The following CSMD1 variants were observed in gnomAD, a reference collection of about 807,000 sequenced individuals.
The protein encoded by CSMD1 is CUB and Sushi multiple domains 1.
A neutral mutation model predicts 417.5 loss-of-function variants in CSMD1; 213 were observed. The ratio of observed to expected loss-of-function variants is 0.51; its 90% CI spans 0.46 to 0.57. The LOEUF (loss-of-function observed/expected upper bound fraction) is 0.57, where lower values mean the gene tolerates loss of function less well. CSMD1 is among the 20% of genes least tolerant of loss of function. CSMD1 has a pLI of 0.00. For missense variants in CSMD1, 6,923 were observed against 4,529.7 expected (o/e 1.53, Z -15.17); for synonymous variants, 2,862 against 1,736.8 (o/e 1.65, Z -16.11).
At chr8:4,836,771 T>G (rs970442518) in intron 1 of CSMD1, among the ~76,000 whole-genome samples, 2 of 152,086 alleles carry the variant, frequency 1.3e-5, no homozygotes, top group Non-Finnish European at 2.9e-5. Flanking sequence ...CACAGGAGTC[T>G]TGACTCCTGT....
chr8:3,910,353 G>A (rs1178099653), intron 5 of CSMD1, among the ~76,000 whole-genome samples: 3 of 152,276 alleles, frequency 2.0e-5, no homozygotes, highest in African/African-American at 4.8e-5. Flanking sequence ...GGTGGCAGGT[G>A]CACCGAGGCC....
chr8:4,858,689 C>T (rs1469162582), intron 1 of CSMD1, among the ~76,000 whole-genome samples: 1 of 150,470 alleles, frequency 6.6e-6, no homozygotes, highest in African/African-American at 2.4e-5. Context: ...AATAAAATAC[C>T]TAGGAATCCA....
At chr8:3,832,197 G>C (rs1309316289) in intron 5 of CSMD1, among the ~76,000 whole-genome samples, 1 of 152,126 alleles carries the variant, frequency 6.6e-6, no homozygotes, top group Admixed American at 6.6e-5. Context: ...TGAGTCACGT[G>C]GGATGGAATA....
intron 2 of CSMD1, among the ~76,000 whole-genome samples, chr8:4,441,627 G>C (rs1037594867): frequency 1.3e-5 from 2 of 151,774 alleles, no homozygotes; most frequent in Non-Finnish European, 2.9e-5. Flanking sequence ...TCACCACCTA[G>C]GTATTTAATT....
intron 1 of CSMD1, among the ~76,000 whole-genome samples, chr8:4,974,073 A>G (rs764824601): frequency 5.9e-5 from 9 of 152,174 alleles, no homozygotes; most frequent in Non-Finnish European, 1.0e-4. Context: ...CAGGCTGGAG[A>G]GTAGTGGTGC....
chr8:3,273,839 T>C (rs1433936190), intron 26 of CSMD1, among the ~76,000 whole-genome samples: 1 of 152,212 alleles, frequency 6.6e-6, no homozygotes, highest in Non-Finnish European at 1.5e-5. Flanking sequence ...TTAGTCTTGC[T>C]AGTGGTCTAC....
Position 3,343,298 on chromosome 8 carries a change from A to G in CSMD1, c.3627T>C (p.Tyr1209=), listed in dbSNP as rs756819310. ...SDTDQGFQLT[Y]TSFDLVKCED... is the part of the protein sequence containing the mutation. ...ATTAAGTCGTATGTTACTTACTGGT[A>G]TAGGTGAGTTGAAAACCTTGGTCGG... The change falls in exon 23 of 70, where the codon TAT becomes TAC. Residue 1209 remains tyrosine, a synonymous_variant. Coordinates refer to ENST00000635120, the MANE Select transcript of CSMD1 (RefSeq NM_033225.6). The G allele has an allele frequency of 1.9e-5, 30 of 1,612,988 alleles. No homozygotes were observed. In the South Asian group the frequency reaches 3.0e-4, roughly 16 times the overall value.
chr8:4,763,142 C>G (rs889774113), intron 1 of CSMD1, among the ~76,000 whole-genome samples: 6 of 152,138 alleles, frequency 3.9e-5, no homozygotes, highest in Non-Finnish European at 8.8e-5. Context: ...GAGGTTAATA[C>G]AGGAAATAAA....
At chr8:3,754,867 T>C (rs1309216678) in intron 5 of CSMD1, among the ~76,000 whole-genome samples, 2 of 152,200 alleles carry the variant, frequency 1.3e-5, no homozygotes, top group Non-Finnish European at 2.9e-5. Flanking sequence ...AACCTGGGCC[T>C]TTCCTACCAA....
At position 3,409,595 on chromosome 8, in the gene CSMD1, C is replaced by CT; in HGVS notation, c.1571dup (p.Gly526ArgfsTer27). ...GGATTCCAGGATCCCCACACCCTCC[C>CT]TTTTCAATTTCTGAAAATGGAAAAA... is the stretch of plus-strand genomic sequence containing the variant. On this transcript the variant is annotated frameshift_variant, in exon 13 of 70. Transcript: ENST00000635120. LOFTEE classifies it high-confidence loss of function. 6.3e-7 allele frequency: 1 copy of CT among 1,585,188 alleles called. No individual in the cohort carries two copies. Among genetic ancestry groups the CT allele is most frequent in the Non-Finnish European group, 8.6e-7 (1 of 1,163,266 alleles).
intron 7 of CSMD1, among the ~76,000 whole-genome samples, chr8:3,620,235 T>C (rs1029797279): frequency 3.3e-5 from 5 of 152,272 alleles, no homozygotes. Flanking sequence ...CACTCCCAGA[T>C]AATCAAAATA....
intron 23 of CSMD1, among the ~76,000 whole-genome samples, chr8:3,332,914 G>A (rs1193956660): frequency 6.6e-6 from 1 of 152,258 alleles, no homozygotes; most frequent in Non-Finnish European, 1.5e-5. Context: ...CAGATGCCAC[G>A]GAAGTGTCTG....
chr8:4,670,789 A>G (rs1805247757), intron 1 of CSMD1, among the ~76,000 whole-genome samples: 1 of 152,188 alleles, frequency 6.6e-6, no homozygotes, highest in Non-Finnish European at 1.5e-5. Context: ...AGAAAAAAAT[A>G]ATTTGTTTCA....
intron 1 of CSMD1, among the ~76,000 whole-genome samples, chr8:4,880,655 CG>C (rs972339536): frequency 2.6e-5 from 4 of 152,034 alleles, no homozygotes; most frequent in African/African-American, 9.7e-5. Context: ...ATGAAGCAAT[CG>C]GAAGTGGAGA....
At chr8:4,850,777 T>G (rs1801427977) in intron 1 of CSMD1, among the ~76,000 whole-genome samples, 1 of 152,054 alleles carries the variant, frequency 6.6e-6, no homozygotes, top group African/African-American at 2.4e-5. Flanking sequence ...CCAAACCTAG[T>G]GGCTTGCCTA....
intron 2 of CSMD1, among the ~76,000 whole-genome samples, chr8:4,440,755 G>A (rs937846884): frequency 6.6e-6 from 1 of 151,970 alleles, no homozygotes; most frequent in South Asian, 2.1e-4. Context: ...CAGCATTTTG[G>A]GAGGCCAGTG....
chr8:3,193,075 T>C (rs903660522), intron 33 of CSMD1, among the ~76,000 whole-genome samples: 8 of 152,186 alleles, frequency 5.3e-5, no homozygotes, highest in African/African-American at 1.9e-4. Flanking sequence ...GTTGCACTTA[T>C]CTAAGAGGCT....
chr8:3,725,044 C>T (rs907228979), intron 6 of CSMD1, among the ~76,000 whole-genome samples: 2 of 152,142 alleles, frequency 1.3e-5, no homozygotes, highest in South Asian at 4.1e-4. Flanking sequence ...ATTAACCTCT[C>T]CAGACGACTA....
intron 12 of CSMD1, among the ~76,000 whole-genome samples, chr8:3,450,334 C>G (rs1479982205): frequency 6.6e-6 from 1 of 151,598 alleles, no homozygotes; most frequent in Non-Finnish European, 1.5e-5. Flanking sequence ...ATTATGCTTT[C>G]AGTTTTAGGG....
Sources: allele counts gnomAD v4.1 joint callset (sites outside exome capture counted in the v4.1 genomes callset), GRCh38; gene constraint gnomAD v4.1.1; transcripts MANE v1.5; gene names NCBI Gene and HGNC (gene_info 2026-07-23, HGNC 2026-07-21).